The following KDM2A variants were observed in gnomAD, a reference collection of about 807,000 sequenced individuals.
KDM2A encodes the protein lysine-specific demethylase 2A.
Under a neutral mutation model 137.3 loss-of-function variants are expected in KDM2A, and 3 were observed. The observed-to-expected ratio is 0.02, with a 90% CI of 0.01 to 0.06. The LOEUF (loss-of-function observed/expected upper bound fraction) is 0.06, where lower values mean the gene tolerates loss of function less well. Ranked by LOEUF, KDM2A falls within the 10% of genes least tolerant of loss-of-function variation. KDM2A has a pLI of 1.00. For synonymous variants in KDM2A, 512 were observed against 541.5 expected, an observed-to-expected ratio of 0.95 and a Z score of 0.76; for missense variants, 738 against 1,510.6, an observed-to-expected ratio of 0.49 and a Z score of 8.48.
intron 15 of KDM2A, among the ~76,000 whole-genome samples, chr11:67,247,156 C>T (rs1189084174): frequency 7.8e-6 from 1 of 127,614 alleles, no homozygotes; most frequent in African/African-American, 3.0e-5. Flanking sequence ...GTGGCGTGAC[C>T]TCGTCTCACT....
At chr11:67,236,751 C>T (rs913679549) in intron 12 of KDM2A, among the ~76,000 whole-genome samples, 1 of 152,086 alleles carries the variant, frequency 6.6e-6, no homozygotes, top group Non-Finnish European at 1.5e-5. Flanking sequence ...ACTTAATAAG[C>T]AGTGCATTAT....
At chr11:67,124,306 A>C (rs1311335233) in intron 2 of KDM2A, among the ~76,000 whole-genome samples, 1 of 138,170 alleles carries the variant, frequency 7.2e-6, no homozygotes, top group East Asian at 2.2e-4. Context: ...GCCCGGCTTC[A>C]CTTTATTTTT....
At chr11:67,246,979 C>T (rs1859236992) in intron 15 of KDM2A, among the ~76,000 whole-genome samples, 1 of 135,808 alleles carries the variant, frequency 7.4e-6, no homozygotes, top group Non-Finnish European at 1.5e-5. Context: ...GTGTTGTTGC[C>T]CAGGCTAGAG....
In KDM2A at chr11:67,156,838, G is replaced by A. The variant is rs905581975; in HGVS notation, c.43-23241G>A. Among the ~76,000 whole-genome samples, 7 of 151,516 alleles carry A rather than the reference G, an allele frequency of 4.6e-5. No individual in the cohort carries two copies. The South Asian group carries it at 6.3e-4, about 14-fold the overall frequency. ...TGAGAGTCGGAGGTTGCAGTGAGCC[G>A]AGATCGCGCCACTGCACTTCATCCA... On this transcript the variant is annotated intron_variant, in intron 2 of 20. Coordinates refer to ENST00000529006, the MANE Select transcript of KDM2A (RefSeq NM_012308.3).
At chr11:67,138,019 A>G (rs948686060) in intron 2 of KDM2A, among the ~76,000 whole-genome samples, 11 of 152,122 alleles carry the variant, frequency 7.2e-5, no homozygotes, top group African/African-American at 2.4e-4. Context: ...GATAATCTCT[A>G]TCTCCTGACC....
At chr11:67,146,181 G>A (rs1007620802) in intron 2 of KDM2A, among the ~76,000 whole-genome samples, 11 of 151,798 alleles carry the variant, frequency 7.2e-5, no homozygotes, top group Admixed American at 3.9e-4. Flanking sequence ...TTTTAGTAGA[G>A]ACAGGGTTTC....
At position 67,125,942 on chromosome 11, in the gene KDM2A, CAAAAAA is replaced by C. The variant is rs59801773; in HGVS notation, c.42+4600_42+4605del. ...TGGGTGACTGAGCAAGGCTTCACCT[CAAAAAA>C]AAAAAAAAAAAAAAAGGCCAGGCAC... is the stretch of plus-strand genomic sequence containing the variant. On this transcript the variant is annotated intron_variant, in intron 2 of 20. Coordinates refer to ENST00000529006, the MANE Select transcript of KDM2A (RefSeq NM_012308.3). 9.9e-5 allele frequency among the ~76,000 whole-genome samples: 5 copies of C among 50,446 alleles called. No homozygotes were observed. The East Asian group carries it at 1.5e-3, about 15-fold the overall frequency. 33.1% of individuals were successfully genotyped at this position (50,446 alleles called of 152,430 possible).
At chr11:67,240,626 C>T (rs969267774) in intron 12 of KDM2A, among the ~76,000 whole-genome samples, 3 of 152,188 alleles carry the variant, frequency 2.0e-5, no homozygotes, top group Non-Finnish European at 4.4e-5. Context: ...TTCCTGTGAT[C>T]TGTAGGGTGT....
chr11:67,189,200 T>C lies in KDM2A; in HGVS notation c.307+7308T>C, dbSNP rs116593365. 6.6e-3 allele frequency among the ~76,000 whole-genome samples: 1,006 copies of C among 152,234 alleles called. 12 individuals carry two copies. Among genetic ancestry groups the C allele is most frequent in the African/African-American group, 0.022 (932 of 41,536 alleles). On this transcript the variant is annotated intron_variant, in intron 5 of 20. Coordinates refer to ENST00000529006, the MANE Select transcript of KDM2A (RefSeq NM_012308.3). ...TATCAGTGGATTTAAAAAATAGATATCAAAGTATCTTCTCCAACCACAATG... is the reference window on the plus strand; with the variant it reads ...TATCAGTGGATTTAAAAAATAGATACCAAAGTATCTTCTCCAACCACAATG...
At chr11:67,158,024 T>G (rs1426725191) in intron 2 of KDM2A, among the ~76,000 whole-genome samples, 1 of 152,166 alleles carries the variant, frequency 6.6e-6, no homozygotes, top group Non-Finnish European at 1.5e-5. Flanking sequence ...TTCTGAGTTT[T>G]GACAAATTAT....
chr11:67,232,656 T>C (rs1363477786), intron 12 of KDM2A, among the ~76,000 whole-genome samples: 1 of 151,868 alleles, frequency 6.6e-6, no homozygotes, highest in Non-Finnish European at 1.5e-5. Context: ...ATATTGTATA[T>C]TTTTCTTAAG....
intron 16 of KDM2A, among the ~76,000 whole-genome samples, chr11:67,249,565 C>T (rs2136458912): frequency 6.6e-6 from 1 of 152,282 alleles, no homozygotes; most frequent in South Asian, 2.1e-4. Context: ...GTTGGGGGCT[C>T]TTGTGGGATT....
At chr11:67,129,282 C>A (rs1855797607) in intron 2 of KDM2A, among the ~76,000 whole-genome samples, 1 of 152,170 alleles carries the variant, frequency 6.6e-6, no homozygotes, top group Non-Finnish European at 1.5e-5. Flanking sequence ...AATAAAGTGT[C>A]TAGTTGATTT....
chr11:67,129,036 C>G (rs1331520097), intron 2 of KDM2A, among the ~76,000 whole-genome samples: 1 of 152,132 alleles, frequency 6.6e-6, no homozygotes, highest in Non-Finnish European at 1.5e-5. Flanking sequence ...TGAGCTATGA[C>G]TGTGCCAGTG....
chr11:67,202,708 G>A (rs1428381243), intron 5 of KDM2A, among the ~76,000 whole-genome samples: 2 of 151,974 alleles, frequency 1.3e-5, no homozygotes, highest in South Asian at 4.1e-4. Flanking sequence ...CCCAGGAGGC[G>A]GAGCTTGCAG....
At chr11:67,232,035 A>C in intron 12 of KDM2A, 75 bp downstream of exon 12, 19 of 1,447,088 alleles carry the variant, frequency 1.3e-5, no homozygotes, top group Non-Finnish European at 1.8e-5. Context: ...GAGGGAGAAA[A>C]TATAGGAATT....
At chr11:67,218,951 A>C (rs1212188989) in intron 9 of KDM2A, among the ~76,000 whole-genome samples, 2 of 152,166 alleles carry the variant, frequency 1.3e-5, no homozygotes, top group Non-Finnish European at 2.9e-5. Flanking sequence ...TTCTTCTTCC[A>C]GTGTGGCCCA....
intron 6 of KDM2A, among the ~76,000 whole-genome samples, chr11:67,214,298 G>A (rs929378110): frequency 3.4e-5 from 5 of 149,114 alleles, no homozygotes; most frequent in Admixed American, 6.8e-5. Flanking sequence ...TCCGCCTCCC[G>A]GGTTCATGCC....
At chr11:67,190,022 A>C (rs985177889) in intron 5 of KDM2A, among the ~76,000 whole-genome samples, 46 of 152,352 alleles carry the variant, frequency 3.0e-4, no homozygotes, top group African/African-American at 1.0e-3. Flanking sequence ...AAGAAACCAA[A>C]AGGTGGTTCT....
Sources: allele counts gnomAD v4.1 joint callset (sites outside exome capture counted in the v4.1 genomes callset), GRCh38; gene constraint gnomAD v4.1.1; transcripts MANE v1.5; gene names NCBI Gene and HGNC (gene_info 2026-07-23, HGNC 2026-07-21).